The following CACNB1 variants were observed in gnomAD, a reference collection of about 807,000 sequenced individuals.
The protein encoded by CACNB1 is calcium voltage-gated channel auxiliary subunit beta 1.
CACNB1 carries 29 observed loss-of-function variants against 71.6 expected under a neutral mutation model. The ratio of observed to expected loss-of-function variants is 0.40; its 90% CI spans 0.30 to 0.55. CACNB1 has a LOEUF of 0.55. Ranked by LOEUF, CACNB1 falls within the 20% of genes least tolerant of loss-of-function variation. The pLI is 0.38. For missense variants in CACNB1, 623 were observed against 801.8 expected, an observed-to-expected ratio of 0.78 and a Z score of 2.69; for synonymous variants, 300 against 319.6, an observed-to-expected ratio of 0.94 and a Z score of 0.65.
In CACNB1 at chr17:39,194,433, C is replaced by T. The variant is rs992928459; in HGVS notation, c.171+451G>A. 2.0e-5 allele frequency among the ~76,000 whole-genome samples: 3 copies of T among 152,142 alleles called. No individual in the cohort carries two copies. The highest frequency in any genetic ancestry group is 2.9e-5 in the Non-Finnish European group (2 of 68,034). On this transcript the variant is annotated intron_variant, in intron 2 of 13. Coordinates refer to ENST00000394303, the MANE Select transcript of CACNB1 (RefSeq NM_000723.5). This position sits in a 1 kb window ranked among gnomAD's most constrained non-coding sequence, Gnocchi z 4.6. ...GACAGTCATGTCTCGAGGTGAGGAG[C>T]GTGTTTCCCTGGCCAGGACCTCACC...
At chr17:39,187,057 C>T (rs2045959286) in intron 4 of CACNB1, 128 bp from the exon 5 acceptor site, 4 of 969,102 alleles carry the variant, frequency 4.1e-6, no homozygotes, top group Admixed American at 4.6e-5. Flanking sequence ...CAAAAATCCC[C>T]AGCCCTGGCT....
chr17:39,187,148 G>C, intron 4 of CACNB1: 1 of 608,506 alleles, frequency 1.6e-6, no homozygotes, highest in Non-Finnish European at 2.9e-6. Context: ...CCCTGCCACC[G>C]GCCCAATGCA....
rs771846387 is a variant in CACNB1, at chr17:39,177,503, T to C, written c.1179A>G (p.Gln393=). 5 of 1,605,018 alleles carry C rather than the reference T, an allele frequency of 3.1e-6. No individual in the cohort carries two copies. The highest frequency in any genetic ancestry group is 2.7e-5 in the African/African-American group (2 of 74,748). Residue 393 remains glutamine, a synonymous_variant, in exon 13 of 14, where the codon CAA becomes CAG. Transcript: ENST00000394303. ...CCAGATGCTCGCAGGCATCCTCCAA[T>C]TGGTTCTCATCCAGGATGATGTCAA... ...EMFDIILDEN[Q]LEDACEHLAE...
chr17:39,186,068 G>T lies in CACNB1; in HGVS notation c.628+428C>A. 6.2e-7 allele frequency: 1 copy of T among 1,614,032 alleles called. No individual in the cohort carries two copies. The highest frequency in any genetic ancestry group is 8.5e-7 in the Non-Finnish European group (1 of 1,179,946). On this transcript the variant is annotated intron_variant, in intron 6 of 13. Coordinates refer to ENST00000394303, the MANE Select transcript of CACNB1 (RefSeq NM_000723.5). The surrounding 1 kb of genome is among the most constrained non-coding windows in gnomAD (Gnocchi z 4.1). Reference sequence around the variant, plus strand: ...AGCCTCTTCCTCCTCTAACTCTAGGGGGTCTAGTTCAAAGGCTAAGTTAGT... The same window carrying T: ...AGCCTCTTCCTCCTCTAACTCTAGGTGGTCTAGTTCAAAGGCTAAGTTAGT...
chr17:39,187,644 C>T, intron 3 of CACNB1, 43 bp from the exon 4 acceptor site: 1 of 1,610,208 alleles, frequency 6.2e-7, no homozygotes, highest in Non-Finnish European at 8.5e-7. Context: ...AGAGGGCAAA[C>T]CACAATGTAA....
rs926135591 is a variant in CACNB1 at position 39,177,440 on chromosome 17, C to T, written c.1242G>A (p.Pro414=). 2 of 1,613,676 alleles carry T rather than the reference C, an allele frequency of 1.2e-6. No homozygotes were observed. The highest frequency in any genetic ancestry group is 1.7e-6 in the Non-Finnish European group (2 of 1,179,780). The change falls in exon 13 of 14, where the codon CCG becomes CCA. Residue 414 remains proline, a synonymous_variant. Coordinates refer to ENST00000394303, the MANE Select transcript of CACNB1 (RefSeq NM_000723.5). The part of the protein sequence containing the change: ...YLEAYWKATH[P]PSSTPPNPLL... ...GCGGATTGGGTGGCGTGCTGCTGGG[C>T]GGGTGTGTGGCCTTCCAATAGGCTT... is the stretch of plus-strand genomic sequence containing the variant.
At chr17:39,176,954 G>A (rs1308410149) in intron 13 of CACNB1, among the ~76,000 whole-genome samples, 1 of 152,150 alleles carries the variant, frequency 6.6e-6, no homozygotes, top group African/African-American at 2.4e-5. Context: ...GTCTAAAAAG[G>A]GTGTGGAGTC....
rs1037945832 is a variant in CACNB1 at position 39,186,853 on chromosome 17, T to C, written c.491A>G (p.Lys164Arg). The change falls in exon 5 of 14, where the codon AAA becomes AGA. Residue 164 changes from lysine (K) to arginine (R), a missense_variant. By Grantham distance (26) the Lys-to-Arg change is conservative. Transcript: ENST00000394303. This position sits in a 1 kb window ranked among gnomAD's most constrained non-coding sequence, Gnocchi z 4.1. ...CTGCAGCAGGCGAAGGCTGTCCAGT[T>C]TGACGGGGCTGGGAATGAAGCCAAC... The part of the protein sequence containing the change: ...CEVGFIPSPV[K>R]LDSLRLLQEQ... 1 of 1,614,000 alleles carries C rather than the reference T, an allele frequency of 6.2e-7. No individual in the cohort carries two copies. The highest frequency in any genetic ancestry group is 8.5e-7 in the Non-Finnish European group (1 of 1,180,002).
rs1409452064 is a variant in CACNB1, at chr17:39,177,979, C to T, written c.1146+5G>A. ...CATTCCCTTCCCTGGGATCTAGGCACTCACAGGGGGGCACTGTGCCAGCTT... is the reference window on the plus strand; with the variant it reads ...CATTCCCTTCCCTGGGATCTAGGCATTCACAGGGGGGCACTGTGCCAGCTT... On this transcript the variant is annotated splice_donor_5th_base_variant and intron_variant, in intron 12 of 13. Transcript: ENST00000394303. The T allele has an allele frequency of 6.2e-7, 1 of 1,607,286 alleles. No individual in the cohort carries two copies. Among genetic ancestry groups the T allele is most frequent in the Non-Finnish European group, 8.5e-7 (1 of 1,173,842 alleles).
Position 39,175,436 on chromosome 17 carries a change from T to G in CACNB1, c.1554A>C (p.Ser518=). ...RNSAYTELGD[S]CVDMETDPSE... The stretch of plus-strand genomic sequence containing the variant: ...AGGGGTCAGTCTCCATGTCCACACA[T>G]GAGTCTCCCAGCTCCGTGTAGGCAG... The change falls in exon 14 of 14, where the codon TCA becomes TCC. Residue 518 remains serine (S), a synonymous_variant. Transcript: ENST00000394303. The surrounding 1 kb of genome is among the most constrained non-coding windows in gnomAD (Gnocchi z 4.7). The G allele has an allele frequency of 6.2e-7, 1 of 1,614,138 alleles. No homozygotes were observed. Among genetic ancestry groups the G allele is most frequent in the Admixed American group, 1.7e-5 (1 of 60,024 alleles).
At chr17:39,185,874 C>A in intron 6 of CACNB1, 1 of 1,492,394 alleles carries the variant, frequency 6.7e-7, no homozygotes, top group South Asian at 1.3e-5. Flanking sequence ...CATCTGAATC[C>A]ATTACAGCCC....
chr17:39,186,200 G>A lies in CACNB1; in HGVS notation c.628+296C>T. 1 of 1,042,856 alleles carries A rather than the reference G, an allele frequency of 9.6e-7. No homozygotes were observed. The allele number at this position is 1,042,856 out of a possible 1,614,324, so 64.6% of individuals were successfully genotyped here. A position where few individuals can be genotyped will look rare whatever the true frequency, so the allele number is the denominator to read the frequency against. On this transcript the variant is annotated intron_variant, in intron 6 of 13. Coordinates refer to ENST00000394303, the MANE Select transcript of CACNB1 (RefSeq NM_000723.5). This position sits in a 1 kb window ranked among gnomAD's most constrained non-coding sequence, Gnocchi z 4.1. ...ACACAAGTACAGAACGCAGGGATGG[G>A]GATGGGGAAAAAAGAAAGAAGAAGA...
rs1230244800 is a variant in CACNB1 at position 39,173,526 on chromosome 17, C to T, written c.*1667G>A. On this transcript the variant is annotated 3_prime_UTR_variant, in exon 14 of 14. Transcript: ENST00000394303. ...ATCTCACCCACTGAGCAACATTGAGCTTCCCATTGCCTTTGGCTCTACTTG... is the reference window on the plus strand; with the variant it reads ...ATCTCACCCACTGAGCAACATTGAGTTTCCCATTGCCTTTGGCTCTACTTG... The T allele has an allele frequency of 6.6e-6, 1 of 152,368 alleles. No individual in the cohort carries two copies. Among genetic ancestry groups the T allele is most frequent in the Non-Finnish European group, 1.5e-5 (1 of 68,064 alleles). The allele number at this position is 152,368 out of a possible 1,614,324, so 9.4% of individuals were successfully genotyped here.
chr17:39,183,382 A>C (rs1306595622), intron 11 of CACNB1, among the ~76,000 whole-genome samples: 1 of 146,504 alleles, frequency 6.8e-6, no homozygotes, highest in Non-Finnish European at 1.5e-5. Context: ...AGACCTCCCA[A>C]CTGCCAAGTA....
In CACNB1 at chr17:39,175,693, C is replaced by G. The variant is rs1441584875; in HGVS notation, c.1333-36G>C. On this transcript the variant is annotated intron_variant, in intron 13 of 13. Transcript: ENST00000394303. The surrounding 1 kb of genome is among the most constrained non-coding windows in gnomAD (Gnocchi z 4.7). ...GACGGACAGCACACACCATGCAGAT[C>G]AGGCAGGGGTGAGAAAAACACAACA... 2.7e-6 allele frequency: 4 copies of G among 1,459,598 alleles called. No individual in the cohort carries two copies. Among genetic ancestry groups the G allele is most frequent in the Non-Finnish European group, 2.8e-6 (3 of 1,080,344 alleles). 90.4% of individuals were successfully genotyped at this position (1,459,598 alleles called of 1,614,324 possible).
chr17:39,197,646 C>G lies in CACNB1; in HGVS notation c.-151G>C. The G allele has an allele frequency of 1.8e-6, 1 of 571,318 alleles. No individual in the cohort carries two copies. The highest frequency in any genetic ancestry group is 3.0e-6 in the Non-Finnish European group (1 of 332,410). The allele number at this position is 571,318 out of a possible 1,614,324, so 35.4% of individuals were successfully genotyped here. ...TTCGGCTGCCTCCTTCCTGCCTTCC[C>G]TCGCTCCTCCCGCTCTCTCCACTGC... On this transcript the variant is annotated 5_prime_UTR_variant, in exon 1 of 14. Transcript: ENST00000394303.
At chr17:39,196,950 C>T (rs1012441389) in intron 1 of CACNB1, among the ~76,000 whole-genome samples, 1 of 152,080 alleles carries the variant, frequency 6.6e-6, no homozygotes, top group Non-Finnish European at 1.5e-5. Flanking sequence ...TGGCATTTGG[C>T]ACCGCCCTCT....
Position 39,184,403 on chromosome 17 carries a change from G to T in CACNB1, c.730-20C>A. The stretch of plus-strand genomic sequence containing the variant: ...TGTAACCTGGGGGTGGGGGTTTGTG[G>T]GGAGGGAGGGAGGAGAAGGCAGGCA... On this transcript the variant is annotated intron_variant, in intron 8 of 13. Coordinates refer to ENST00000394303, the MANE Select transcript of CACNB1 (RefSeq NM_000723.5). 4 of 1,213,696 alleles carry T rather than the reference G, an allele frequency of 3.3e-6. No individual in the cohort carries two copies. The highest frequency in any genetic ancestry group is 1.3e-5 in the South Asian group (1 of 77,272). The allele number at this position is 1,213,696 out of a possible 1,614,324, so 75.2% of individuals were successfully genotyped here. A position where few individuals can be genotyped will look rare whatever the true frequency, so the allele number is the denominator to read the frequency against.
At chr17:39,182,185 T>C (rs58269111) in intron 11 of CACNB1, among the ~76,000 whole-genome samples, 5,438 of 142,676 alleles carry the variant, frequency 0.038, 326 homozygotes, top group African/African-American at 0.13. Context: ...AAAAGCCAGG[T>C]GTGGTGTGTG....
Sources: allele counts gnomAD v4.1 joint callset (sites outside exome capture counted in the v4.1 genomes callset), GRCh38; gene constraint gnomAD v4.1.1; non-coding constraint Gnocchi (gnomAD v3.1); transcripts MANE v1.5; gene names NCBI Gene and HGNC (gene_info 2026-07-23, HGNC 2026-07-21).